ITPR2: variants seen among roughly 807,000 people sequenced by gnomAD.
ITPR2 encodes inositol 1,4,5-trisphosphate-gated calcium channel ITPR2.
In ITPR2, 207 loss-of-function variants were observed where a neutral mutation model predicts 317.1. The ratio of observed to expected loss-of-function variants is 0.65; its 90% confidence interval spans 0.58 to 0.73. The LOEUF (loss-of-function observed/expected upper bound fraction) is 0.73. Among genes scored for constraint, ITPR2 ranks in the 30% least tolerant of loss-of-function variants. The probability of loss-of-function intolerance (pLI) is 0.00; values close to 1 mark genes in which losing one functional copy is unlikely to be tolerated. For missense variants in ITPR2, 2,613 were observed against 3,284.0 expected (o/e 0.80, Z 4.99); for synonymous variants, 1,156 against 1,149.1 (o/e 1.01, Z -0.12).
intron 45 of ITPR2, among the ~76,000 whole-genome samples, chr12:26,470,509 A>G (rs1942270935): frequency 6.6e-6 from 1 of 152,364 alleles, no homozygotes; most frequent in South Asian, 2.1e-4. Flanking sequence ...AATACTTTCT[A>G]GTAATTCACA....
At chr12:26,613,928 G>A (rs1321188975) in intron 26 of ITPR2, among the ~76,000 whole-genome samples, 2 of 152,064 alleles carry the variant, frequency 1.3e-5, no homozygotes, top group African/African-American at 4.8e-5. Context: ...CTTCACAGAG[G>A]CAAATAAAAT....
At chr12:26,541,958 C>T (rs1028439749) in intron 37 of ITPR2, among the ~76,000 whole-genome samples, 10 of 151,910 alleles carry the variant, frequency 6.6e-5, no homozygotes, top group African/African-American at 1.9e-4. Flanking sequence ...CATATCACTC[C>T]GGATATCAAC....
chr12:26,682,100 C>G, intron 12 of ITPR2, 66 bp from the exon 13 acceptor site: 1 of 1,261,788 alleles, frequency 7.9e-7, no homozygotes, highest in Non-Finnish European at 1.1e-6. Context: ...AAGACTAACA[C>G]ATCTAGTACT....
At chr12:26,417,600 CCCTTCA>C (rs1217708974) in intron 50 of ITPR2, among the ~76,000 whole-genome samples, 5 of 152,102 alleles carry the variant, frequency 3.3e-5, no homozygotes, top group Non-Finnish European at 7.4e-5. Context: ...GCCTTGCTTC[CCCTTCA>C]CCTTCCACCA....
chr12:26,553,184 T>A (rs1944571558), intron 36 of ITPR2, among the ~76,000 whole-genome samples: 1 of 152,182 alleles, frequency 6.6e-6, no homozygotes, highest in East Asian at 1.9e-4. Context: ...TATAAATGGA[T>A]CACACCCCAC....
chr12:26,686,811 A>G (rs146068829), intron 10 of ITPR2, among the ~76,000 whole-genome samples, 179 bp from the exon 11 acceptor site: 97 of 152,356 alleles, frequency 6.4e-4, no homozygotes, highest in African/African-American at 2.3e-3. Flanking sequence ...ATTACTGTCA[A>G]CAATGATGAG....
intron 54 of ITPR2, 35 bp from the exon 55 acceptor site, chr12:26,387,629 G>A (rs369528995): frequency 4.4e-5 from 70 of 1,592,790 alleles, no homozygotes; most frequent in African/African-American, 1.9e-4. Flanking sequence ...TATGTAATTC[G>A]TCATTTAATC....
intron 32 of ITPR2, among the ~76,000 whole-genome samples, chr12:26,591,810 T>A (rs1050121795): frequency 1.1e-4 from 17 of 150,364 alleles, no homozygotes; most frequent in Non-Finnish European, 1.5e-4. Context: ...TACTCCAGCC[T>A]GGGTGACAGA....
At chr12:26,423,596 T>C (rs7954985) in intron 49 of ITPR2, among the ~76,000 whole-genome samples, 19,530 of 152,204 alleles carry the variant, frequency 0.13, 1,935 homozygotes, top group East Asian at 0.37. Flanking sequence ...GGAGTGGTTA[T>C]AACGCCCATA....
At chr12:26,435,747 TTTAA>T (rs1371702221) in intron 48 of ITPR2, among the ~76,000 whole-genome samples, 1 of 152,206 alleles carries the variant, frequency 6.6e-6, no homozygotes, top group Non-Finnish European at 1.5e-5. Flanking sequence ...ATGATAAACA[TTTAA>T]TTATCTTAAG....
intron 1 of ITPR2, among the ~76,000 whole-genome samples, chr12:26,805,280 C>T (rs1230524857): frequency 1.3e-5 from 2 of 152,160 alleles, no homozygotes; most frequent in African/African-American, 4.8e-5. Flanking sequence ...GTACTAACCT[C>T]ATAGGGTTTA....
In ITPR2 at chr12:26,670,986, G is replaced by A. The variant is rs1275989295; in HGVS notation, c.1410-4935C>T. Among the ~76,000 whole-genome samples the A allele has an allele frequency of 1.3e-5, 2 of 151,832 alleles. 1 individual carries two copies. The highest frequency in any genetic ancestry group is 2.9e-5 in the Non-Finnish European group (2 of 67,960). On this transcript the variant is annotated intron_variant, in intron 13 of 56. Coordinates refer to ENST00000381340, the MANE Select transcript of ITPR2 (RefSeq NM_002223.4). ...GAAATGAATGAAATGAAGCGAGAAG[G>A]GAAGTTTAGAGAAAAAAGAATAAAA...
At chr12:26,658,947 G>A (rs1369111283) in intron 16 of ITPR2, among the ~76,000 whole-genome samples, 166 bp downstream of exon 16, 1 of 152,164 alleles carries the variant, frequency 6.6e-6, no homozygotes, top group African/African-American at 2.4e-5. Context: ...GATCTCTTAT[G>A]AGGTAATAAC....
chr12:26,731,651 A>G (rs768743829), intron 2 of ITPR2, among the ~76,000 whole-genome samples: 49 of 152,082 alleles, frequency 3.2e-4, no homozygotes, highest in Admixed American at 6.6e-4. Flanking sequence ...TTTTTTTAAA[A>G]AATCAGCTGG....
At chr12:26,522,973 C>T (rs1050500355) in intron 37 of ITPR2, among the ~76,000 whole-genome samples, 15 of 152,200 alleles carry the variant, frequency 9.9e-5, no homozygotes, top group Admixed American at 5.9e-4. Flanking sequence ...CATTTCGATG[C>T]CTTGGGTTTC....
At chr12:26,568,013 T>TATATA (rs1555157814) in intron 34 of ITPR2, among the ~76,000 whole-genome samples, 1,671 of 63,886 alleles carry the variant, frequency 0.026, 163 homozygotes, top group African/African-American at 0.11. Flanking sequence ...ATATTATATA[T>TATATA]ATATATATAT....
At chr12:26,736,019 C>T (rs923009226) in intron 2 of ITPR2, among the ~76,000 whole-genome samples, 1 of 152,148 alleles carries the variant, frequency 6.6e-6, no homozygotes, top group African/African-American at 2.4e-5. Flanking sequence ...ATATTCAGCC[C>T]CTATTAGCTA....
Position 26,472,543 on chromosome 12 carries a change from A to G in ITPR2, c.6342+2753T>C, listed in dbSNP as rs540127514. 5.9e-5 allele frequency among the ~76,000 whole-genome samples: 9 copies of G among 151,432 alleles called. No individual in the cohort carries two copies. In the South Asian group the frequency reaches 1.7e-3, roughly 28 times the overall value. ...CACCCCAATCATTTTCACATCATTGATATCATTGATTTATCTTCCTTTCAA... is the reference window on the plus strand; with the variant it reads ...CACCCCAATCATTTTCACATCATTGGTATCATTGATTTATCTTCCTTTCAA... On this transcript the variant is annotated intron_variant, in intron 45 of 56. Coordinates refer to ENST00000381340, the MANE Select transcript of ITPR2 (RefSeq NM_002223.4).
intron 21 of ITPR2, among the ~76,000 whole-genome samples, chr12:26,635,827 T>C (rs891327066): frequency 6.6e-6 from 1 of 152,230 alleles, no homozygotes; most frequent in Non-Finnish European, 1.5e-5. Flanking sequence ...CCTGGAGCAG[T>C]ACTTCCTCCC....
Sources: allele counts gnomAD v4.1 joint callset (sites outside exome capture counted in the v4.1 genomes callset), GRCh38; gene constraint gnomAD v4.1.1; transcripts MANE v1.5; gene names NCBI Gene and HGNC (gene_info 2026-07-23, HGNC 2026-07-21).